ADAMTSL3: variants seen among roughly 807,000 people sequenced by gnomAD.
ADAMTSL3 encodes ADAMTS-like protein 3.
Under a neutral mutation model 201.7 loss-of-function variants are expected in ADAMTSL3, and 128 were observed. The observed-to-expected ratio is 0.63, with a 90% CI of 0.55 to 0.73. The LOEUF (loss-of-function observed/expected upper bound fraction) is 0.73. Among genes scored for constraint, ADAMTSL3 ranks in the 30% least tolerant of loss-of-function variants. ADAMTSL3 has a pLI of 0.00. For missense variants in ADAMTSL3, 1,990 were observed against 2,119.6 expected (o/e 0.94, Z 1.20); for synonymous variants, 738 against 748.4 (o/e 0.99, Z 0.23).
chr15:84,025,356 G>A lies in ADAMTSL3; in HGVS notation c.4576G>A (p.Ala1526Thr). The change falls in exon 27 of 30, where the codon GCA (alanine) becomes ACA (threonine). Residue 1526 changes from alanine to threonine, a missense_variant. Transcript: ENST00000286744. Reference protein sequence around the residue: ...NGTVQVVSPRACAPKDRPLGR... With the variant: ...NGTVQVVSPRTCAPKDRPLGR... The stretch of plus-strand genomic sequence containing the variant: ...AACTGTGCAGGTGGTGTCTCCAAGA[G>A]CATGTGCCCCTAAAGACCGGCCTCT... The A allele has an allele frequency of 6.2e-7, 1 of 1,614,140 alleles. No homozygotes were observed. The highest frequency in any genetic ancestry group is 8.5e-7 in the Non-Finnish European group (1 of 1,180,032).
chr15:83,662,086 T>G (rs200443292), intron 2 of ADAMTSL3, among the ~76,000 whole-genome samples: 38,349 of 139,880 alleles, frequency 0.27, 5,462 homozygotes, highest in South Asian at 0.46. Context: ...TACACCCAAA[T>G]GACTATAAAT....
At position 83,658,328 on chromosome 15, in the gene ADAMTSL3, C is replaced by T. The variant is rs1204156886; in HGVS notation, c.69+2498C>T. ...TTTGCCATGTTGGCCAGGCTGGTCTCGAACTCCTGACCTCAAGTGATCTGC... is the reference window on the plus strand; with the variant it reads ...TTTGCCATGTTGGCCAGGCTGGTCTTGAACTCCTGACCTCAAGTGATCTGC... On this transcript the variant is annotated intron_variant, in intron 2 of 29. Transcript: ENST00000286744. Among the ~76,000 whole-genome samples the T allele has an allele frequency of 9.8e-5, 15 of 152,288 alleles. No individual in the cohort carries two copies. In the South Asian group the frequency reaches 2.9e-3, roughly 30 times the overall value.
intron 19 of ADAMTSL3, among the ~76,000 whole-genome samples, chr15:83,964,860 C>T (rs1340750693): frequency 1.3e-5 from 2 of 152,118 alleles, no homozygotes; most frequent in Non-Finnish European, 2.9e-5. Flanking sequence ...TAGAATGGGG[C>T]CAATATTCAA....
chr15:83,698,725 A>T (rs1017761671), intron 2 of ADAMTSL3, among the ~76,000 whole-genome samples: 33 of 152,250 alleles, frequency 2.2e-4, no homozygotes, highest in African/African-American at 7.9e-4. Flanking sequence ...GCCGTGTGTG[A>T]ACTCAGCCAT....
chr15:83,819,803 G>T lies in ADAMTSL3; in HGVS notation c.364-8G>T. The T allele has an allele frequency of 6.2e-7, 1 of 1,610,786 alleles. No individual in the cohort carries two copies. The highest frequency in any genetic ancestry group is 8.5e-7 in the Non-Finnish European group (1 of 1,177,894). On this transcript the variant is annotated splice_region_variant and splice_polypyrimidine_tract_variant and intron_variant, in intron 5 of 29. Coordinates refer to ENST00000286744, the MANE Select transcript of ADAMTSL3 (RefSeq NM_207517.3). ...GATGTGCATGTGGCCTTTTCCCTCT[G>T]CCCCCAGGACTGCCCTCCAGATGCA...
intron 4 of ADAMTSL3, among the ~76,000 whole-genome samples, chr15:83,787,772 T>A (rs1427732619): frequency 6.6e-6 from 1 of 152,114 alleles, no homozygotes; most frequent in African/African-American, 2.4e-5. Flanking sequence ...AGATGAAGAT[T>A]TAACAATTTT....
At chr15:83,711,518 C>A (rs2061933439) in intron 3 of ADAMTSL3, among the ~76,000 whole-genome samples, 1 of 152,148 alleles carries the variant, frequency 6.6e-6, no homozygotes, top group South Asian at 2.1e-4. Context: ...ATAGTTCATT[C>A]CTTTGTTAGT....
At chr15:84,009,829 C>T (rs1285894712) in intron 23 of ADAMTSL3, among the ~76,000 whole-genome samples, 1 of 150,980 alleles carries the variant, frequency 6.6e-6, no homozygotes, top group Non-Finnish European at 1.5e-5. Flanking sequence ...AATGCTCTCC[C>T]TGGAGATCTC....
At chr15:83,934,918 C>T (rs1430543624) in intron 17 of ADAMTSL3, among the ~76,000 whole-genome samples, 1 of 152,110 alleles carries the variant, frequency 6.6e-6, no homozygotes, top group Non-Finnish European at 1.5e-5. Flanking sequence ...AACTGGAGGC[C>T]ATTATCTTAA....
chr15:83,885,229 G>A lies in ADAMTSL3; in HGVS notation c.1072+17G>A. On this transcript the variant is annotated intron_variant, in intron 10 of 29. Coordinates refer to ENST00000286744, the MANE Select transcript of ADAMTSL3 (RefSeq NM_207517.3). ...GTGGAGGAGGTGAGGCCCAGGCTTTGTTCATGAATATTTAGAGCTCAGAGT... is the reference window on the plus strand; with the variant it reads ...GTGGAGGAGGTGAGGCCCAGGCTTTATTCATGAATATTTAGAGCTCAGAGT... The A allele has an allele frequency of 6.4e-7, 1 of 1,565,752 alleles. No individual in the cohort carries two copies. Among genetic ancestry groups the A allele is most frequent in the East Asian group, 2.2e-5 (1 of 44,560 alleles).
intron 8 of ADAMTSL3, among the ~76,000 whole-genome samples, chr15:83,866,571 G>A (rs1366830417): frequency 1.3e-5 from 2 of 151,960 alleles, no homozygotes; most frequent in South Asian, 4.1e-4. Context: ...AGAACACATG[G>A]ACACAGGAAG....
At chr15:83,726,495 A>G (rs1436656046) in intron 3 of ADAMTSL3, among the ~76,000 whole-genome samples, 2 of 151,888 alleles carry the variant, frequency 1.3e-5, no homozygotes, top group East Asian at 3.9e-4. Context: ...AAGGCTTGCA[A>G]TTTTCCCTTA....
chr15:83,829,424 T>G (rs1252331740), intron 6 of ADAMTSL3, among the ~76,000 whole-genome samples: 1 of 152,202 alleles, frequency 6.6e-6, no homozygotes, highest in Non-Finnish European at 1.5e-5. Flanking sequence ...TCTTTTCTTC[T>G]TTATTAGTCT....
At chr15:83,792,167 GA>G in intron 4 of ADAMTSL3, among the ~76,000 whole-genome samples, 1 of 152,108 alleles carries the variant, frequency 6.6e-6, no homozygotes, top group African/African-American at 2.4e-5. Context: ...TCAGTAGCAA[GA>G]AAAAAATAAC....
chr15:83,895,458 T>C (rs767917356), intron 13 of ADAMTSL3, among the ~76,000 whole-genome samples: 1 of 152,204 alleles, frequency 6.6e-6, no homozygotes, highest in Non-Finnish European at 1.5e-5. Flanking sequence ...ATTATCAGAA[T>C]AGAGGATGTT....
At position 83,970,488 on chromosome 15, in the gene ADAMTSL3, C is replaced by G; in HGVS notation, c.2495C>G (p.Ser832Cys). The G allele has an allele frequency of 6.2e-7, 1 of 1,614,082 alleles. No homozygotes were observed. Among genetic ancestry groups the G allele is most frequent in the East Asian group, 2.2e-5 (1 of 44,876 alleles). The change falls in exon 20 of 30, where the codon TCT becomes TGT. Residue 832 changes from serine to cysteine, a missense_variant. Transcript: ENST00000286744. ...HLAVGDWSKC[S>C]VSCGVGIQRR... The stretch of plus-strand genomic sequence containing the variant: ...GTTGCACAACTCTCATTTCAGTGTT[C>G]TGTCAGTTGTGGTGTTGGAATCCAG...
intron 8 of ADAMTSL3, among the ~76,000 whole-genome samples, chr15:83,870,320 G>C (rs762525065): frequency 6.6e-6 from 1 of 152,128 alleles, no homozygotes; most frequent in Non-Finnish European, 1.5e-5. Context: ...GGGAATGAAG[G>C]TTACAAAGGA....
chr15:83,885,042 G>T, intron 9 of ADAMTSL3, 59 bp from the exon 10 acceptor site: 1 of 1,098,032 alleles, frequency 9.1e-7, no homozygotes. Flanking sequence ...TATTTTGAAA[G>T]GTGTGGAAAG....
chr15:83,993,482 G>T (rs2067621642), intron 23 of ADAMTSL3, among the ~76,000 whole-genome samples: 1 of 152,060 alleles, frequency 6.6e-6, no homozygotes. Context: ...TATTTGTTTA[G>T]TTGCCTTAGA....
Sources: gnomAD v4.1 joint callset for allele counts (sites outside exome capture counted in the v4.1 genomes callset) on GRCh38, gnomAD v4.1.1 for gene constraint, MANE v1.5 for transcripts, NCBI Gene and HGNC (gene_info 2026-07-23, HGNC 2026-07-21) for gene names.